Variants in CSNK1G1 observed in about 807,000 individuals in gnomAD.
The protein encoded by CSNK1G1 is casein kinase I isoform gamma-1.
CSNK1G1 carries 22 observed loss-of-function variants against 59.6 expected under a neutral mutation model. The observed-to-expected ratio is 0.37, with a 90% confidence interval of 0.26 to 0.53. The LOEUF is 0.53. Ranked by LOEUF, CSNK1G1 falls within the 20% of genes least tolerant of loss-of-function variation. CSNK1G1 has a pLI of 0.89. For missense variants in CSNK1G1, 384 were observed against 519.5 expected, an observed-to-expected ratio of 0.74 and a Z score of 2.54; for synonymous variants, 179 against 177.1, an observed-to-expected ratio of 1.01 and a Z score of -0.08.
At chr15:64,276,493 G>A (rs1397056754) in intron 2 of CSNK1G1, among the ~76,000 whole-genome samples, 1 of 151,952 alleles carries the variant, frequency 6.6e-6, no homozygotes, top group African/African-American at 2.4e-5. Context: ...TACTTTTTCA[G>A]AACAGACGGA....
rs921400766 is a variant in CSNK1G1 at position 64,176,964 on chromosome 15, A to G, written c.1214+3384T>C. On this transcript the variant is annotated intron_variant, in intron 11 of 11. Coordinates refer to ENST00000303052, the MANE Select transcript of CSNK1G1 (RefSeq NM_022048.5). The surrounding 1 kb of genome is among the most constrained non-coding windows in gnomAD (Gnocchi z 5.2). Reference sequence around the variant, plus strand: ...GGTTCACATTTGTTAAATTATAGCTAAAGTCTGGATAACCAAAAATTCCTG... The same window carrying G: ...GGTTCACATTTGTTAAATTATAGCTGAAGTCTGGATAACCAAAAATTCCTG... Among the ~76,000 whole-genome samples the G allele has an allele frequency of 4.6e-5, 7 of 152,216 alleles. No homozygotes were observed. Among genetic ancestry groups the G allele is most frequent in the African/African-American group, 1.7e-4 (7 of 41,452 alleles).
chr15:64,271,809 T>C (rs1231596548), intron 2 of CSNK1G1, among the ~76,000 whole-genome samples: 8 of 152,170 alleles, frequency 5.3e-5, no homozygotes, highest in African/African-American at 1.9e-4. Flanking sequence ...AGGTCCTGAA[T>C]ACCTTTGTTA....
At chr15:64,269,341 T>C (rs908479209) in intron 2 of CSNK1G1, among the ~76,000 whole-genome samples, 3 of 152,190 alleles carry the variant, frequency 2.0e-5, no homozygotes, top group Non-Finnish European at 4.4e-5. Context: ...TATTTATTAC[T>C]GATTGGACTT....
chr15:64,287,103 C>T (rs62021622), intron 2 of CSNK1G1, among the ~76,000 whole-genome samples: 22,545 of 151,966 alleles, frequency 0.15, 3,189 homozygotes, highest in African/African-American at 0.37. Flanking sequence ...AACCAGTAAC[C>T]GGTAAGACTA....
chr15:64,244,116 C>G (rs1891624666), intron 4 of CSNK1G1, among the ~76,000 whole-genome samples: 1 of 151,910 alleles, frequency 6.6e-6, no homozygotes, highest in Non-Finnish European at 1.5e-5. Flanking sequence ...TTGCAGTGAG[C>G]CGAGATCACG....
intron 1 of CSNK1G1, among the ~76,000 whole-genome samples, chr15:64,332,710 T>A (rs1329620929): frequency 3.4e-5 from 5 of 147,846 alleles, no homozygotes; most frequent in Non-Finnish European, 6.0e-5. Flanking sequence ...AAAACCCAAA[T>A]CACAAAACAA....
At chr15:64,259,774 G>GCAGTAAGCTTACAAGCAGTAAGCTTT in intron 2 of CSNK1G1, among the ~76,000 whole-genome samples, 1 of 152,238 alleles carries the variant, frequency 6.6e-6, no homozygotes, top group Admixed American at 6.5e-5. Flanking sequence ...CTGCTTGTAA[G>GCAGTAAGCTTACAAGCAGTAAGCTTT]GAGATGATTC....
intron 2 of CSNK1G1, among the ~76,000 whole-genome samples, chr15:64,263,821 C>CTAAAAAAAAAAAAAAAA (rs1892833408): frequency 2.0e-5 from 1 of 48,972 alleles, no homozygotes. Flanking sequence ...TTTTTGTTTA[C>CTAAAAAAAAAAAAAAAA]CAAAAAAAAA....
chr15:64,201,632 A>G (rs917323182), intron 10 of CSNK1G1, among the ~76,000 whole-genome samples: 1 of 151,578 alleles, frequency 6.6e-6, no homozygotes, highest in East Asian at 1.9e-4. Flanking sequence ...TTTCTTACCC[A>G]CCAAACCACA....
At chr15:64,272,147 C>T (rs1018272924) in intron 2 of CSNK1G1, among the ~76,000 whole-genome samples, 2 of 151,932 alleles carry the variant, frequency 1.3e-5, no homozygotes, top group African/African-American at 4.8e-5. Flanking sequence ...GATATCATTA[C>T]ATGACATGGG....
chr15:64,266,464 T>G (rs2140341357), intron 2 of CSNK1G1, among the ~76,000 whole-genome samples: 1 of 152,214 alleles, frequency 6.6e-6, no homozygotes, highest in South Asian at 2.1e-4. Flanking sequence ...TCTACAAGAT[T>G]CAATGCAATC....
At chr15:64,290,000 GT>G (rs1412100082) in intron 2 of CSNK1G1, among the ~76,000 whole-genome samples, 2 of 151,922 alleles carry the variant, frequency 1.3e-5, no homozygotes, top group Non-Finnish European at 2.9e-5. Context: ...TGTTTTGTTG[GT>G]TTTTCCAATA....
intron 2 of CSNK1G1, among the ~76,000 whole-genome samples, chr15:64,278,901 ACT>A (rs1491585949): frequency 6.6e-6 from 1 of 151,934 alleles, no homozygotes; most frequent in Non-Finnish European, 1.5e-5. Context: ...TATGTGTTTC[ACT>A]TTTTTTTAAG....
Position 64,216,503 on chromosome 15 carries a change from C to T in CSNK1G1, c.444+59G>A, listed in dbSNP as rs2082313349. 1.3e-6 allele frequency: 2 copies of T among 1,546,024 alleles called. No individual in the cohort carries two copies. On this transcript the variant is annotated intron_variant, in intron 5 of 11. Coordinates refer to ENST00000303052, the MANE Select transcript of CSNK1G1 (RefSeq NM_022048.5). The surrounding 1 kb of genome is among the most constrained non-coding windows in gnomAD (Gnocchi z 4.6). ...ACGGCTAGTAAATCACCAAAAGGCCCACAAGGATGTGGCTGAGGAACCAGC... is the reference window on the plus strand; with the variant it reads ...ACGGCTAGTAAATCACCAAAAGGCCTACAAGGATGTGGCTGAGGAACCAGC...
chr15:64,219,168 T>C (rs2082353054), intron 4 of CSNK1G1, among the ~76,000 whole-genome samples: 1 of 152,162 alleles, frequency 6.6e-6, no homozygotes. Flanking sequence ...AAGAGTCTTT[T>C]TTTCCCGGTT....
At position 64,214,275 on chromosome 15, in the gene CSNK1G1, T is replaced by C; in HGVS notation, c.445-151A>G. ...CGCCCTGAGTCACTTCACTGACTTG[T>C]AAACAAAAAAATATTTTGCTATAAA... On this transcript the variant is annotated intron_variant, in intron 5 of 11. Transcript: ENST00000303052. The surrounding 1 kb of genome is among the most constrained non-coding windows in gnomAD (Gnocchi z 4.3). 2 of 627,104 alleles carry C rather than the reference T, an allele frequency of 3.2e-6. No homozygotes were observed. Among genetic ancestry groups the C allele is most frequent in the Non-Finnish European group, 5.6e-6 (2 of 355,818 alleles). 38.8% of individuals were successfully genotyped at this position (627,104 alleles called of 1,614,324 possible).
At chr15:64,349,567 T>C (rs1055110177) in intron 1 of CSNK1G1, among the ~76,000 whole-genome samples, 2 of 152,194 alleles carry the variant, frequency 1.3e-5, no homozygotes, top group Non-Finnish European at 2.9e-5. Context: ...TCCATCTGTC[T>C]TTCTATCTCA....
intron 4 of CSNK1G1, among the ~76,000 whole-genome samples, chr15:64,240,241 T>A (rs977423193): frequency 7.9e-5 from 12 of 151,552 alleles, no homozygotes; most frequent in African/African-American, 1.2e-4. Context: ...CTCAACAAAC[T>A]AAACAAAACA....
chr15:64,285,004 T>C (rs1475212983), intron 2 of CSNK1G1, among the ~76,000 whole-genome samples: 3 of 152,242 alleles, frequency 2.0e-5, no homozygotes, highest in South Asian at 2.1e-4. Flanking sequence ...TTGAAAAATA[T>C]AGTTGTATCA....
Sources: allele counts gnomAD v4.1 joint callset (sites outside exome capture counted in the v4.1 genomes callset), GRCh38; gene constraint gnomAD v4.1.1; non-coding constraint Gnocchi (gnomAD v3.1); transcripts MANE v1.5; gene names NCBI Gene and HGNC (gene_info 2026-07-23, HGNC 2026-07-21).